NEK10: variants seen among roughly 807,000 people sequenced by gnomAD.
The protein encoded by NEK10 is serine/threonine-protein kinase Nek10.
NEK10 carries 122 observed loss-of-function variants against 159.8 expected under a neutral mutation model. The observed-to-expected ratio is 0.76, with a 90% CI of 0.66 to 0.89. The LOEUF is 0.89. Ranked by LOEUF, NEK10 falls within the 40% of genes least tolerant of loss-of-function variation. The pLI is 0.00. For missense variants in NEK10, 1,342 were observed against 1,323.1 expected, an observed-to-expected ratio of 1.01 and a Z score of -0.22; for synonymous variants, 466 against 457.1, an observed-to-expected ratio of 1.02 and a Z score of -0.25.
intron 1 of NEK10, among the ~76,000 whole-genome samples, chr3:27,359,762 TTTGC>T (rs2048553830): frequency 6.6e-6 from 1 of 152,200 alleles, no homozygotes; most frequent in Non-Finnish European, 1.5e-5. Flanking sequence ...CTGTGCTGTT[TTTGC>T]AGTTTCTATG....
chr3:27,192,388 G>T (rs533795650), intron 25 of NEK10, 146 bp from the exon 26 acceptor site: 6 of 639,072 alleles, frequency 9.4e-6, no homozygotes, highest in Non-Finnish European at 1.6e-5. Flanking sequence ...ATCAAGCACA[G>T]CTTTGAGTCC....
Position 27,111,052 on chromosome 3 carries a change from T to A in NEK10, c.*220A>T, listed in dbSNP as rs1055226477. 7 of 371,740 alleles carry A rather than the reference T, an allele frequency of 1.9e-5. No individual in the cohort carries two copies. Among genetic ancestry groups the A allele is most frequent in the Non-Finnish European group, 2.9e-5 (6 of 208,012 alleles). 23.0% of individuals were successfully genotyped at this position (371,740 alleles called of 1,614,324 possible). ...CAGCAGCACACTGGTAGCTCTGACA[T>A]CCTGTATATAATGTGTTCTGGCAAT... On this transcript the variant is annotated 3_prime_UTR_variant, in exon 36 of 36. Coordinates refer to ENST00000691995, the MANE Select transcript of NEK10 (RefSeq NM_001394966.1).
intron 22 of NEK10, among the ~76,000 whole-genome samples, chr3:27,262,511 C>G (rs985408826): frequency 1.3e-5 from 2 of 152,184 alleles, no homozygotes; most frequent in African/African-American, 4.8e-5. Flanking sequence ...TCCCATATTT[C>G]TTGGAGGCTT....
intron 14 of NEK10, among the ~76,000 whole-genome samples, chr3:27,296,787 TG>T (rs1312736175): frequency 2.6e-5 from 4 of 152,218 alleles, no homozygotes; most frequent in African/African-American, 9.6e-5. Flanking sequence ...ATATTTTGTT[TG>T]CTGTGTCTCA....
chr3:27,300,916 T>C (rs186784778), intron 13 of NEK10, among the ~76,000 whole-genome samples: 1 of 152,306 alleles, frequency 6.6e-6, no homozygotes, highest in Admixed American at 6.5e-5. Flanking sequence ...TTCTGTATTC[T>C]TCAGGAGAAA....
At chr3:27,233,367 C>G (rs1953525443) in intron 23 of NEK10, among the ~76,000 whole-genome samples, 1 of 151,784 alleles carries the variant, frequency 6.6e-6, no homozygotes, top group African/African-American at 2.4e-5. Flanking sequence ...GCAAGAATGG[C>G]CATAATTAAA....
Position 27,108,439 on chromosome 3 carries a change from T to C in NEK10, c.*2833A>G, listed in dbSNP as rs573792704. 5.3e-5 allele frequency among the ~76,000 whole-genome samples: 8 copies of C among 152,356 alleles called. No individual in the cohort carries two copies. Among genetic ancestry groups the C allele is most frequent in the Admixed American group, 2.0e-4 (3 of 15,300 alleles). On this transcript the variant is annotated 3_prime_UTR_variant, in exon 36 of 36. Transcript: ENST00000691995. Reference sequence around the variant, plus strand: ...TCACTTCCCTGAGAATGAAACATTTTGCTTTTAAAAAGCAAATTAAGGTTT... The same window carrying C: ...TCACTTCCCTGAGAATGAAACATTTCGCTTTTAAAAAGCAAATTAAGGTTT...
At chr3:27,307,253 T>C (rs11129282) in intron 11 of NEK10, among the ~76,000 whole-genome samples, 3,741 of 152,300 alleles carry the variant, frequency 0.025, 156 homozygotes, top group African/African-American at 0.086. Context: ...CAGGGCTCCA[T>C]TGCTGGAGAT....
intron 30 of NEK10, among the ~76,000 whole-genome samples, chr3:27,142,761 T>G (rs910482012): frequency 6.6e-6 from 1 of 152,118 alleles, no homozygotes; most frequent in South Asian, 2.1e-4. Context: ...TATAAGCACA[T>G]GAAAATGTAT....
At chr3:27,211,490 C>A (rs1057153202) in intron 23 of NEK10, among the ~76,000 whole-genome samples, 18 of 152,252 alleles carry the variant, frequency 1.2e-4, no homozygotes, top group African/African-American at 4.1e-4. Flanking sequence ...AGACCAAGAA[C>A]CTTTACTATT....
At chr3:27,282,602 ATATACATAACTGTGT>A (rs1290487773) in intron 22 of NEK10, among the ~76,000 whole-genome samples, 6 of 147,306 alleles carry the variant, frequency 4.1e-5, no homozygotes, top group African/African-American at 1.5e-4. Flanking sequence ...TGTTATATAT[ATATACATAACTGTGT>A]TATATATATA....
intron 32 of NEK10, among the ~76,000 whole-genome samples, chr3:27,124,916 C>G (rs970321124): frequency 1.3e-5 from 2 of 152,056 alleles, no homozygotes; most frequent in Non-Finnish European, 2.9e-5. Flanking sequence ...CTGTGTGAAC[C>G]CTTTTTTTTG....
At chr3:27,342,097 A>G (rs1273673079) in intron 5 of NEK10, among the ~76,000 whole-genome samples, 2 of 152,092 alleles carry the variant, frequency 1.3e-5, no homozygotes, top group African/African-American at 2.4e-5. Flanking sequence ...AGAGGACCAC[A>G]TGTCCTGTTA....
chr3:27,246,619 T>A (rs983290597), intron 23 of NEK10, among the ~76,000 whole-genome samples: 1 of 152,184 alleles, frequency 6.6e-6, no homozygotes, highest in African/African-American at 2.4e-5. Flanking sequence ...GTCACCCTGT[T>A]GTGCTATCAA....
Position 27,291,307 on chromosome 3 carries a change from T to G in NEK10, c.1560A>C (p.Ala520=), listed in dbSNP as rs2042977392. 4.3e-6 allele frequency: 7 copies of G among 1,613,732 alleles called. No individual in the cohort carries two copies. Among genetic ancestry groups the G allele is most frequent in the Non-Finnish European group, 5.9e-6 (7 of 1,179,770 alleles). Residue 520 remains alanine (A), a synonymous_variant, in exon 18 of 36, where the codon GCA becomes GCC. Coordinates refer to ENST00000691995, the MANE Select transcript of NEK10 (RefSeq NM_001394966.1). ...KAPLKYIGNY[A]ILDHLGSGAF... ...CTCCACTTCCAAGATGATCCAAAAT[T>G]GCATAGTTGCCTATATATTTCAAAG...
intron 22 of NEK10, among the ~76,000 whole-genome samples, chr3:27,281,330 G>A (rs1484581442): frequency 6.6e-6 from 1 of 152,024 alleles, no homozygotes; most frequent in African/African-American, 2.4e-5. Flanking sequence ...TAAGTCTCCA[G>A]ATTGAAGAGC....
At chr3:27,123,905 C>T (rs73053866) in intron 32 of NEK10, among the ~76,000 whole-genome samples, 6,773 of 151,684 alleles carry the variant, frequency 0.045, 263 homozygotes, top group Non-Finnish European at 0.062. Flanking sequence ...TGGTGGCTGA[C>T]GTGGAGACAG....
chr3:27,271,185 ATC>A (rs2041325243), intron 22 of NEK10, among the ~76,000 whole-genome samples: 1 of 151,572 alleles, frequency 6.6e-6, no homozygotes, highest in African/African-American at 2.4e-5. Flanking sequence ...CTATCTATCT[ATC>A]TATCTATCTA....
intron 23 of NEK10, among the ~76,000 whole-genome samples, chr3:27,211,824 T>C (rs887623560): frequency 1.3e-5 from 2 of 152,320 alleles, no homozygotes; most frequent in South Asian, 2.1e-4. Flanking sequence ...AATTGATTGA[T>C]TGATTGATTG....
Sources: gnomAD v4.1 joint callset for allele counts (sites outside exome capture counted in the v4.1 genomes callset) on GRCh38, gnomAD v4.1.1 for gene constraint, MANE v1.5 for transcripts, NCBI Gene and HGNC (gene_info 2026-07-23, HGNC 2026-07-21) for gene names.